Variants in LRRIQ3 observed in about 807,000 individuals in gnomAD.
LRRIQ3 encodes the protein leucine-rich repeat and IQ domain-containing protein 3.
LRRIQ3 carries 75 observed loss-of-function variants against 59.3 expected under a neutral mutation model. The observed-to-expected ratio is 1.26, with a 90% confidence interval of 1.05 to 1.53. LRRIQ3 has a LOEUF of 1.53. Among genes scored for constraint, LRRIQ3 ranks in the 40% most tolerant of loss-of-function variants. The pLI, the probability that LRRIQ3 is intolerant of heterozygous loss-of-function variation, is 0.00. For synonymous variants in LRRIQ3, 250 were observed against 231.3 expected, an observed-to-expected ratio of 1.08 and a Z score of -0.73; for missense variants, 831 against 710.0, an observed-to-expected ratio of 1.17 and a Z score of -1.94.
chr1:74,063,583 A>G (rs574319836), intron 6 of LRRIQ3, among the ~76,000 whole-genome samples: 4 of 152,092 alleles, frequency 2.6e-5, no homozygotes, highest in East Asian at 3.9e-4. Flanking sequence ...TTATGTGCAT[A>G]TATTTTTATA....
intron 5 of LRRIQ3, among the ~76,000 whole-genome samples, chr1:74,077,456 C>T (rs997164509): frequency 6.6e-6 from 1 of 151,350 alleles, no homozygotes; most frequent in African/African-American, 2.4e-5. Flanking sequence ...AACAAGAACC[C>T]CCCCCAAAAA....
intron 4 of LRRIQ3, among the ~76,000 whole-genome samples, chr1:74,116,151 C>G (rs1014472366): frequency 7.9e-5 from 12 of 151,986 alleles, no homozygotes; most frequent in Non-Finnish European, 1.5e-5. Flanking sequence ...CGTTTTTCCA[C>G]AGCAGAGTAC....
intron 1 of LRRIQ3, among the ~76,000 whole-genome samples, chr1:74,193,153 T>C (rs1650876466): frequency 6.6e-6 from 1 of 152,196 alleles, no homozygotes; most frequent in African/African-American, 2.4e-5. Context: ...TCACTTTCAT[T>C]CATTTTAGAC....
intron 6 of LRRIQ3, among the ~76,000 whole-genome samples, chr1:74,067,588 C>T (rs980430873): frequency 6.6e-6 from 1 of 152,038 alleles, no homozygotes; most frequent in Non-Finnish European, 1.5e-5. Flanking sequence ...GATCTATTTT[C>T]TTCTGTGAGT....
At chr1:74,069,176 A>C (rs558845078) in intron 6 of LRRIQ3, among the ~76,000 whole-genome samples, 1 of 152,128 alleles carries the variant, frequency 6.6e-6, no homozygotes, top group East Asian at 1.9e-4. Context: ...ACTTTCTGGA[A>C]AGTATTTGAA....
At chr1:74,027,610 T>G (rs1653558241) in intron 7 of LRRIQ3, among the ~76,000 whole-genome samples, 1 of 151,916 alleles carries the variant, frequency 6.6e-6, no homozygotes, top group Admixed American at 6.6e-5. Flanking sequence ...TGGGAGAAAA[T>G]AAATTACTGT....
At chr1:74,189,619 G>C (rs920555417) in intron 1 of LRRIQ3, among the ~76,000 whole-genome samples, 3 of 152,078 alleles carry the variant, frequency 2.0e-5, no homozygotes, top group African/African-American at 4.8e-5. Context: ...CACTTGCTGT[G>C]GGAGAGACCC....
At chr1:74,139,385 AT>A (rs939131955) in intron 4 of LRRIQ3, among the ~76,000 whole-genome samples, 19 of 151,686 alleles carry the variant, frequency 1.3e-4, no homozygotes, top group African/African-American at 3.6e-4. Flanking sequence ...ATACACCAAA[AT>A]TTTTAGTGTC....
chr1:74,074,796 A>G lies in LRRIQ3; in HGVS notation c.868-6T>C. The stretch of plus-strand genomic sequence containing the variant: ...TCAACAGGATAATATATATTCTGTG[A>G]AAATAAAATAAAAGCAATGACAATG... On this transcript the variant is annotated splice_polypyrimidine_tract_variant and splice_region_variant and intron_variant, in intron 5 of 7. Transcript: ENST00000354431. 8.0e-7 allele frequency: 1 copy of G among 1,247,932 alleles called. No homozygotes were observed. The highest frequency in any genetic ancestry group is 2.0e-5 in the South Asian group (1 of 49,850). 77.3% of individuals were successfully genotyped at this position (1,247,932 alleles called of 1,614,324 possible).
intron 1 of LRRIQ3, among the ~76,000 whole-genome samples, chr1:74,194,848 T>C (rs1336518810): frequency 6.6e-6 from 1 of 152,200 alleles, no homozygotes; most frequent in East Asian, 1.9e-4. Context: ...GTGTCATAAA[T>C]ATTGTATTAC....
rs142801811 is a variant in LRRIQ3 at position 74,183,525 on chromosome 1, C to T, written c.160G>A (p.Val54Ile). Reference sequence around the variant, plus strand: ...ATAAAATTGTTTGAGAAGATGCATACTCTAAGAGAGATGCAAGACTGCAAA... The same window carrying T: ...ATAAAATTGTTTGAGAAGATGCATATTCTAAGAGAGATGCAAGACTGCAAA... ...ENLQSCISLR[V>I]CIFSNNFITD... The change falls in exon 2 of 8, where the codon GTA becomes ATA. Residue 54 changes from valine (V) to isoleucine (I), a missense_variant. By Grantham distance (29) the Val-to-Ile change is conservative. Transcript: ENST00000354431. The T allele has an allele frequency of 1.6e-4, 252 of 1,611,752 alleles. No individual in the cohort carries two copies. The African/African-American group carries it at 3.2e-3, about 20-fold the overall frequency.
chr1:74,038,971 T>C (rs1653959308), intron 7 of LRRIQ3, among the ~76,000 whole-genome samples: 1 of 151,920 alleles, frequency 6.6e-6, no homozygotes, highest in Non-Finnish European at 1.5e-5. Context: ...GGACAGAGGA[T>C]GAGATGGGTG....
At chr1:74,131,659 T>C (rs1647022040) in intron 4 of LRRIQ3, among the ~76,000 whole-genome samples, 2 of 152,152 alleles carry the variant, frequency 1.3e-5, no homozygotes, top group African/African-American at 2.4e-5. Flanking sequence ...GAAAAGGCCT[T>C]TGACAAAATT....
intron 1 of LRRIQ3, among the ~76,000 whole-genome samples, chr1:74,185,329 T>G (rs1650287648): frequency 6.6e-6 from 1 of 152,202 alleles, no homozygotes; most frequent in Admixed American, 6.5e-5. Context: ...TGTTTTGATT[T>G]TGGTCATATT....
chr1:74,059,239 T>C (rs1333264674), intron 6 of LRRIQ3, among the ~76,000 whole-genome samples: 1 of 152,072 alleles, frequency 6.6e-6, no homozygotes. Flanking sequence ...TATCTGTATT[T>C]ATTTGCTTCC....
chr1:74,121,791 T>A (rs1570151786), intron 4 of LRRIQ3, among the ~76,000 whole-genome samples: 1 of 136,098 alleles, frequency 7.3e-6, no homozygotes, highest in East Asian at 2.3e-4. Flanking sequence ...TGTCCATGTG[T>A]TCTCAGTGTT....
intron 1 of LRRIQ3, among the ~76,000 whole-genome samples, chr1:74,197,482 G>C (rs936003046): frequency 1.3e-5 from 2 of 151,980 alleles, no homozygotes; most frequent in African/African-American, 2.4e-5. Context: ...CCTTTATATA[G>C]CTACCCAAAA....
chr1:74,104,927 C>A (rs1646588120), intron 5 of LRRIQ3, among the ~76,000 whole-genome samples: 1 of 151,752 alleles, frequency 6.6e-6, no homozygotes, highest in Admixed American at 6.6e-5. Context: ...ACTTCCCACT[C>A]AACTTTGTTA....
chr1:74,182,899 ACT>A (rs1366901795), intron 2 of LRRIQ3, 38 bp from the exon 3 acceptor site: 2 of 1,194,950 alleles, frequency 1.7e-6, no homozygotes, highest in Non-Finnish European at 2.3e-6. Context: ...TTCCAAAATT[ACT>A]TTTTTCGAAT....
Sources: allele counts gnomAD v4.1 joint callset (sites outside exome capture counted in the v4.1 genomes callset), GRCh38; gene constraint gnomAD v4.1.1; transcripts MANE v1.5; gene names NCBI Gene and HGNC (gene_info 2026-07-23, HGNC 2026-07-21).